TRIM16: variants seen among roughly 807,000 people sequenced by gnomAD.
The protein encoded by TRIM16 is tripartite motif-containing protein 16.
TRIM16 carries 33 observed loss-of-function variants against 50.4 expected under a neutral mutation model. That is an observed-to-expected ratio of 0.65 (90% confidence interval 0.50 to 0.88). TRIM16 has a LOEUF of 0.88. Among genes scored for constraint, TRIM16 ranks in the 40% least tolerant of loss-of-function variants. TRIM16 has a pLI of 0.00. For missense variants in TRIM16, 581 were observed against 686.8 expected (o/e 0.85, Z 1.72); for synonymous variants, 229 against 270.7 (o/e 0.85, Z 1.51).
chr17:15,635,268 A>G (rs1158584539), intron 9 of TRIM16, among the ~76,000 whole-genome samples: 1 of 147,900 alleles, frequency 6.8e-6, no homozygotes, highest in East Asian at 2.0e-4. Context: ...AGGGATGTGA[A>G]GAGCTGTTAA....
At chr17:15,637,413 G>A (rs1467603047) in intron 8 of TRIM16, among the ~76,000 whole-genome samples, 15 of 99,226 alleles carry the variant, frequency 1.5e-4, no homozygotes, top group African/African-American at 3.6e-4. Context: ...TCAGCCCTCC[G>A]CCCGGCCAGC....
intron 6 of TRIM16, chr17:15,675,676 T>A (rs1267851841): frequency 5.4e-6 from 1 of 183,742 alleles, no homozygotes; most frequent in African/African-American, 2.4e-5. Context: ...AAGCCTTCAG[T>A]AGAAGCGCCC....
chr17:15,663,517 G>C (rs1398276915), intron 6 of TRIM16, among the ~76,000 whole-genome samples: 1 of 152,180 alleles, frequency 6.6e-6, no homozygotes, highest in African/African-American at 2.4e-5. Context: ...TGAGGACTAG[G>C]TCAGTAAGCC....
At position 15,629,184 on chromosome 17, in the gene TRIM16, T is replaced by G; in HGVS notation, c.1126A>C (p.Thr376Pro). Residue 376 changes from threonine (T) to proline (P), a missense_variant, in exon 12 of 12, where the codon ACG becomes CCG. Physicochemically the swap from Thr to Pro is conservative, Grantham distance 38 (BLOSUM62 -1). Coordinates refer to ENST00000649191, the MANE Select transcript of TRIM16 (RefSeq NM_001348119.1). ...TTGTGTGCTGTGTCCGGGTCAAACG[T>G]GATGTCATACGCATCTGAGGAGACA... ...EQFLQYAYDITFDPDTAHKYL... is the reference protein window; with the variant it reads ...EQFLQYAYDIPFDPDTAHKYL... 1 of 1,610,786 alleles carries G rather than the reference T, an allele frequency of 6.2e-7. No individual in the cohort carries two copies. Among genetic ancestry groups the G allele is most frequent in the Non-Finnish European group, 8.5e-7 (1 of 1,177,828 alleles).
At chr17:15,666,372 G>T (rs141185031) in intron 6 of TRIM16, among the ~76,000 whole-genome samples, 3,499 of 152,228 alleles carry the variant, frequency 0.023, 137 homozygotes, top group African/African-American at 0.079. Flanking sequence ...GTGAGCCACT[G>T]CACCCACCCT....
Position 15,628,975 on chromosome 17 carries a change from G to A in TRIM16, c.1335C>T (p.Thr445=), listed in dbSNP as rs191639579. 6.8e-6 allele frequency: 11 copies of A among 1,614,136 alleles called. No homozygotes were observed. Among genetic ancestry groups the A allele is most frequent in the South Asian group, 5.5e-5 (5 of 91,090 alleles). The change falls in exon 12 of 12, where the codon ACC becomes ACT. Residue 445 remains threonine (T), a synonymous_variant. Coordinates refer to ENST00000649191, the MANE Select transcript of TRIM16 (RefSeq NM_001348119.1). ...IFGAGTYVGL[T]CKGIDRKGEE... is the part of the protein sequence containing the mutation. Reference sequence around the variant, plus strand: ...CCCCTTTCCGGTCGATGCCTTTGCAGGTCAGGCCAACATAGGTGCCTGCCC... The same window carrying A: ...CCCCTTTCCGGTCGATGCCTTTGCAAGTCAGGCCAACATAGGTGCCTGCCC...
At chr17:15,663,647 G>C (rs1988345695) in intron 6 of TRIM16, among the ~76,000 whole-genome samples, 1 of 152,174 alleles carries the variant, frequency 6.6e-6, no homozygotes, top group Non-Finnish European at 1.5e-5. Flanking sequence ...TATTGCTGCA[G>C]CCGGAAGCAT....
At chr17:15,639,045 CTTTTT>C (rs529832460) in intron 8 of TRIM16, among the ~76,000 whole-genome samples, 22 of 100,898 alleles carry the variant, frequency 2.2e-4, no homozygotes, top group African/African-American at 9.5e-4. Context: ...TTCTCTCTCT[CTTTTT>C]TTTTTTTTTT....
chr17:15,648,234 A>AC (rs1208931709), intron 7 of TRIM16, among the ~76,000 whole-genome samples: 3 of 149,698 alleles, frequency 2.0e-5, no homozygotes, highest in African/African-American at 5.1e-5. Flanking sequence ...TCAAAAAAAA[A>AC]AAAAAACAAA....
In TRIM16 at chr17:15,641,066, G is replaced by A. The variant is rs1188415937; in HGVS notation, c.615+1655C>T. Among the ~76,000 whole-genome samples, 3 of 148,400 alleles carry A rather than the reference G, an allele frequency of 2.0e-5. 1 individual carries two copies. Among genetic ancestry groups the A allele is most frequent in the Non-Finnish European group, 4.5e-5 (3 of 67,066 alleles). On this transcript the variant is annotated intron_variant, in intron 8 of 11. Transcript: ENST00000649191. Reference sequence around the variant, plus strand: ...AATCCTCACCCCCGGCCCCAACTGAGGCCATCCTGAGAAAGGATAGTGGAA... The same window carrying A: ...AATCCTCACCCCCGGCCCCAACTGAAGCCATCCTGAGAAAGGATAGTGGAA...
At chr17:15,635,126 T>C (rs1042916805) in intron 9 of TRIM16, among the ~76,000 whole-genome samples, 3 of 147,158 alleles carry the variant, frequency 2.0e-5, no homozygotes, top group Non-Finnish European at 4.5e-5. Context: ...CATTTGTTTT[T>C]TGTAACTAGC....
In TRIM16 at chr17:15,651,202, G is replaced by A. The variant is rs657363; in HGVS notation, c.408C>T (p.Ser136=). 6.2e-7 allele frequency: 1 copy of A among 1,614,142 alleles called. No individual in the cohort carries two copies. The highest frequency in any genetic ancestry group is 1.3e-5 in the African/African-American group (1 of 74,954). Residue 136 remains serine (S), a synonymous_variant, in exon 7 of 12, where the codon AGC becomes AGT. Transcript: ENST00000649191. ...HNWRYCPAHH[S]PLSAFCCPDQ... ...CAGGGCAGCAGAAGGCAGACAGTGG[G>A]CTGTGGTGGGCAGGGCAGTATCGCC...
chr17:15,637,117 G>GT (rs1191471898), intron 8 of TRIM16, among the ~76,000 whole-genome samples: 6 of 89,254 alleles, frequency 6.7e-5, no homozygotes, highest in South Asian at 3.4e-4. Flanking sequence ...GAGGGAGGTG[G>GT]GGGGGGGGGG....
In TRIM16 at chr17:15,629,167, T is replaced by C. The variant is rs1486354997; in HGVS notation, c.1143A>G (p.Thr381=). ...YAYDITFDPD[T]AHKYLRLQEE... ...CCTGCAGCCGGAGATACTTGTGTGC[T>C]GTGTCCGGGTCAAACGTGATGTCAT... is the stretch of plus-strand genomic sequence containing the variant. Residue 381 remains threonine (T), a synonymous_variant, in exon 12 of 12, where the codon ACA becomes ACG. Coordinates refer to ENST00000649191, the MANE Select transcript of TRIM16 (RefSeq NM_001348119.1). 6.2e-7 allele frequency: 1 copy of C among 1,612,528 alleles called. No homozygotes were observed. The highest frequency in any genetic ancestry group is 1.7e-4 in the Middle Eastern group (1 of 6,052).
chr17:15,670,369 C>G (rs1307839243), intron 6 of TRIM16, among the ~76,000 whole-genome samples: 1 of 152,128 alleles, frequency 6.6e-6, no homozygotes, highest in Non-Finnish European at 1.5e-5. Flanking sequence ...AAATGTAAAC[C>G]AGCTCCCTCC....
chr17:15,670,414 G>A (rs377243200), intron 6 of TRIM16, among the ~76,000 whole-genome samples: 4 of 152,040 alleles, frequency 2.6e-5, no homozygotes, highest in African/African-American at 4.8e-5. Context: ...CCCCCACGTC[G>A]AAGCGTCCCT....
chr17:15,680,845 G>A lies in TRIM16; in HGVS notation c.-590+20C>T. The A allele has an allele frequency of 6.5e-7, 1 of 1,529,370 alleles. No homozygotes were observed. Among genetic ancestry groups the A allele is most frequent in the Non-Finnish European group, 8.8e-7 (1 of 1,141,388 alleles). The allele number at this position is 1,529,370 out of a possible 1,614,324, so 94.7% of individuals were successfully genotyped here. On this transcript the variant is annotated intron_variant, in intron 4 of 11. Transcript: ENST00000649191. ...AATTAAAATAAAATTTCCAAGAAGA[G>A]AGGAAAATCCCCAACTCACCTGGGA... is the stretch of plus-strand genomic sequence containing the variant.
chr17:15,629,207 A>T lies in TRIM16; in HGVS notation c.1112-9T>A, dbSNP rs1986276385. ...CGTGATGTCATACGCATCTGAGGAG[A>T]CACAGAAGGCAGGAGAGTGGTTCAG... On this transcript the variant is annotated splice_polypyrimidine_tract_variant and intron_variant, in intron 11 of 11. Transcript: ENST00000649191. 1.9e-6 allele frequency: 3 copies of T among 1,589,466 alleles called. No individual in the cohort carries two copies. The African/African-American group carries it at 4.0e-5, about 21-fold the overall frequency.
rs1663383916 is a variant in TRIM16, at chr17:15,677,220, C to G, written c.-382G>C. On this transcript the variant is annotated 5_prime_UTR_variant, in exon 6 of 12. Transcript: ENST00000649191. ...CACCTCTCCCTCCTGCATTTGTGTTCGTGGGCTTACCACTTCTTCCAACTA... is the reference window on the plus strand; with the variant it reads ...CACCTCTCCCTCCTGCATTTGTGTTGGTGGGCTTACCACTTCTTCCAACTA... 1.0e-6 allele frequency: 1 copy of G among 985,234 alleles called. No individual in the cohort carries two copies. Among genetic ancestry groups the G allele is most frequent in the African/African-American group, 1.7e-5 (1 of 57,182 alleles). 61.0% of individuals were successfully genotyped at this position (985,234 alleles called of 1,614,324 possible).
Sources: allele counts gnomAD v4.1 joint callset (sites outside exome capture counted in the v4.1 genomes callset), GRCh38; gene constraint gnomAD v4.1.1; transcripts MANE v1.5; gene names NCBI Gene and HGNC (gene_info 2026-07-23, HGNC 2026-07-21).